The following ZNF664 variants were observed in gnomAD, a reference collection of about 807,000 sequenced individuals.
ZNF664 encodes zinc finger protein 664.
In ZNF664, 10 loss-of-function variants were observed where a neutral mutation model predicts 18.2. The ratio of observed to expected loss-of-function variants is 0.55; its 90% CI spans 0.34 to 0.93. ZNF664 has a LOEUF of 0.93. ZNF664 is among the 40% of genes least tolerant of loss of function. The probability of loss-of-function intolerance (pLI) is 0.02; values close to 1 mark genes in which losing one functional copy is unlikely to be tolerated. For synonymous variants in ZNF664, 119 were observed against 104.2 expected (o/e 1.14, Z -0.86); for missense variants, 193 against 319.0 (o/e 0.61, Z 3.01).
At chr12:123,978,673 A>G (rs1010005538) in intron 2 of ZNF664, among the ~76,000 whole-genome samples, 1 of 152,206 alleles carries the variant, frequency 6.6e-6, no homozygotes, top group African/African-American at 2.4e-5. Flanking sequence ...AAACTCTTTT[A>G]TAGGAGTAAA....
chr12:123,974,145 C>G (rs952373698), intron 2 of ZNF664, 125 bp downstream of exon 2: 11 of 624,224 alleles, frequency 1.8e-5, no homozygotes, highest in Middle Eastern at 4.9e-4. Flanking sequence ...CCGTATACCC[C>G]CTCCCAGACA....
chr12:124,005,694 A>T (rs979418641), intron 3 of ZNF664, among the ~76,000 whole-genome samples: 2 of 152,198 alleles, frequency 1.3e-5, no homozygotes, highest in African/African-American at 2.4e-5. Context: ...TTCATACAGC[A>T]TCTGCCCTCC....
Position 124,011,399 on chromosome 12 carries a change from C to T in ZNF664, c.-642C>T, listed in dbSNP as rs951830513. The T allele has an allele frequency of 1.1e-5, 11 of 1,013,476 alleles. No individual in the cohort carries two copies. Among genetic ancestry groups the T allele is most frequent in the Middle Eastern group, 9.8e-4 (2 of 2,032 alleles). The allele number at this position is 1,013,476 out of a possible 1,614,324, so 62.8% of individuals were successfully genotyped here. On this transcript the variant is annotated 5_prime_UTR_variant, in exon 4 of 5. Transcript: ENST00000337815. ...CCTTCAGACCTGCAAATCCAAGAGACACATCTTTGGAAGATAAGAGAGCTT... is the reference window on the plus strand; with the variant it reads ...CCTTCAGACCTGCAAATCCAAGAGATACATCTTTGGAAGATAAGAGAGCTT...
intron 2 of ZNF664, among the ~76,000 whole-genome samples, chr12:123,978,665 A>T (rs1481335162): frequency 1.3e-5 from 2 of 152,120 alleles, no homozygotes; most frequent in African/African-American, 4.8e-5. Flanking sequence ...TGCTTCTAAA[A>T]CTCTTTTATA....
At position 123,973,267 on chromosome 12, in the gene ZNF664, G is replaced by C. The variant is rs1178264375; in HGVS notation, c.-977G>C. 12 of 1,002,958 alleles carry C rather than the reference G, an allele frequency of 1.2e-5. No homozygotes were observed. The South Asian group carries it at 4.2e-4, about 35-fold the overall frequency. The allele number at this position is 1,002,958 out of a possible 1,614,324, so 62.1% of individuals were successfully genotyped here. A position where few individuals can be genotyped will look rare whatever the true frequency, so the allele number is the denominator to read the frequency against. The stretch of plus-strand genomic sequence containing the variant: ...TGCGGAGCGCGCGCGCGCGCGGCTC[G>C]GAGGCGCACCTGTGAGGTGTCCCTG... On this transcript the variant is annotated 5_prime_UTR_variant, in exon 1 of 5. Transcript: ENST00000337815.
chr12:124,000,547 T>C (rs1956999528), intron 3 of ZNF664, among the ~76,000 whole-genome samples: 1 of 152,206 alleles, frequency 6.6e-6, no homozygotes, highest in African/African-American at 2.4e-5. Context: ...AGATTATAAA[T>C]AGGGCTGTAG....
At position 123,983,416 on chromosome 12, in the gene ZNF664, A is replaced by G. The variant is rs540901219; in HGVS notation, c.-756-4627A>G. Among the ~76,000 whole-genome samples, 12 of 152,366 alleles carry G rather than the reference A, an allele frequency of 7.9e-5. No individual in the cohort carries two copies. The South Asian group carries it at 2.1e-3, about 26-fold the overall frequency. ...TGTCTCTTGTGTCACTTGATACATT[A>G]TAAGAAATTCAGTAAAGCTATTCTA... On this transcript the variant is annotated intron_variant, in intron 2 of 4. Coordinates refer to ENST00000337815, the MANE Select transcript of ZNF664 (RefSeq NM_152437.3).
intron 3 of ZNF664, among the ~76,000 whole-genome samples, chr12:123,996,667 A>G (rs780431773): frequency 2.0e-5 from 3 of 152,240 alleles, no homozygotes; most frequent in South Asian, 2.1e-4. Context: ...TGGAAATCAG[A>G]CAGAGTGGAC....
chr12:124,006,403 C>G (rs918963486), intron 3 of ZNF664, among the ~76,000 whole-genome samples: 2 of 152,176 alleles, frequency 1.3e-5, no homozygotes, highest in African/African-American at 4.8e-5. Context: ...GCTTCATTCT[C>G]CCAGCCTGTT....
At chr12:124,009,461 A>T (rs1957110015) in intron 3 of ZNF664, among the ~76,000 whole-genome samples, 1 of 151,962 alleles carries the variant, frequency 6.6e-6, no homozygotes, top group South Asian at 2.1e-4. Flanking sequence ...ATTCTGGATT[A>T]TCTTTCACCA....
At chr12:123,999,695 G>A (rs927054535) in intron 3 of ZNF664, among the ~76,000 whole-genome samples, 4 of 152,214 alleles carry the variant, frequency 2.6e-5, no homozygotes, top group Non-Finnish European at 5.9e-5. Flanking sequence ...TCTTAAGTAG[G>A]ACATGGACAC....
Position 124,012,015 on chromosome 12 carries a change from T to TA in ZNF664, c.-129dup. 1 of 1,448,262 alleles carries TA rather than the reference T, an allele frequency of 6.9e-7. No homozygotes were observed. Among genetic ancestry groups the TA allele is most frequent in the South Asian group, 1.5e-5 (1 of 65,834 alleles). The allele number at this position is 1,448,262 out of a possible 1,614,324, so 89.7% of individuals were successfully genotyped here. On this transcript the variant is annotated 5_prime_UTR_variant, in exon 5 of 5. The change creates a premature stop within an existing upstream ORF in the 5' untranslated region. Transcript: ENST00000337815. ...GAAAAGCTTAGGCTGACCTTAAACT[T>TA]ACCTAATAGAGCAAGCCTGAGATAG... is the stretch of plus-strand genomic sequence containing the variant.
chr12:123,981,410 T>G (rs1424329497), intron 2 of ZNF664, among the ~76,000 whole-genome samples: 1 of 152,088 alleles, frequency 6.6e-6, no homozygotes, highest in Non-Finnish European at 1.5e-5. Context: ...TGGGTTGTCA[T>G]GGGAGGGGAC....
intron 3 of ZNF664, among the ~76,000 whole-genome samples, chr12:123,997,010 GT>G (rs1594562311): frequency 6.6e-6 from 1 of 152,082 alleles, no homozygotes. Flanking sequence ...TGGTTTTTTT[GT>G]TTCCTTGGGA....
At chr12:123,987,988 A>G (rs1566198438) in intron 2 of ZNF664, 55 bp from the exon 3 acceptor site, 3 of 1,230,696 alleles carry the variant, frequency 2.4e-6, no homozygotes, top group Non-Finnish European at 3.0e-6. Context: ...ACATTTTGTG[A>G]TCCTAAATTC....
intron 3 of ZNF664, chr12:124,006,054 C>T (rs1332400088): frequency 6.6e-6 from 1 of 152,468 alleles, no homozygotes; most frequent in African/African-American, 2.4e-5. Context: ...AATCTGATGT[C>T]AAGGCTGAAT....
At chr12:123,990,056 G>T (rs1326734666) in intron 3 of ZNF664, among the ~76,000 whole-genome samples, 1 of 152,202 alleles carries the variant, frequency 6.6e-6, no homozygotes, top group Non-Finnish European at 1.5e-5. Flanking sequence ...AAAATAGCCA[G>T]ACTCTTGATG....
chr12:123,985,212 T>G (rs944795883), intron 2 of ZNF664, among the ~76,000 whole-genome samples: 3 of 152,208 alleles, frequency 2.0e-5, no homozygotes, highest in African/African-American at 7.2e-5. Flanking sequence ...CATATGAAAT[T>G]AGAGCTGTAA....
intron 2 of ZNF664, among the ~76,000 whole-genome samples, chr12:123,983,096 A>T (rs1209576135): frequency 6.6e-6 from 1 of 152,182 alleles, no homozygotes; most frequent in Non-Finnish European, 1.5e-5. Context: ...GTAGTGAGCC[A>T]TGATCACGCC....
Sources: allele counts gnomAD v4.1 joint callset (sites outside exome capture counted in the v4.1 genomes callset), GRCh38; gene constraint gnomAD v4.1.1; transcripts MANE v1.5; gene names NCBI Gene and HGNC (gene_info 2026-07-23, HGNC 2026-07-21).